ARFGEF1: variants seen among roughly 807,000 people sequenced by gnomAD.
ARFGEF1 encodes the protein brefeldin A-inhibited guanine nucleotide-exchange protein 1.
A neutral mutation model predicts 231.0 loss-of-function variants in ARFGEF1; 42 were observed. That is an observed-to-expected ratio of 0.18 (90% CI 0.14 to 0.24). The LOEUF is 0.24. Among genes scored for constraint, ARFGEF1 ranks in the 10% least tolerant of loss-of-function variants. The pLI, the probability that ARFGEF1 is intolerant of heterozygous loss-of-function variation, is 1.00. For synonymous variants in ARFGEF1, 710 were observed against 732.3 expected (o/e 0.97, Z 0.49); for missense variants, 1,345 against 2,192.0 (o/e 0.61, Z 7.72).
intron 1 of ARFGEF1, among the ~76,000 whole-genome samples, chr8:67,323,560 G>C (rs919682139): frequency 1.3e-5 from 2 of 151,984 alleles, no homozygotes; most frequent in Non-Finnish European, 2.9e-5. Flanking sequence ...TTCTCATACT[G>C]CCATTTTTGG....
downstream of ARFGEF1, chr8:67,195,415 T>C (rs1399497527): frequency 2.5e-6 from 4 of 1,614,090 alleles, no homozygotes; most frequent in Non-Finnish European, 3.4e-6. Flanking sequence ...CCTGATGACA[T>C]CATGAAACAC....
chr8:67,192,258 A>G (rs1210861671), intron 5 of ARFGEF1, among the ~76,000 whole-genome samples: 3 of 151,942 alleles, frequency 2.0e-5, no homozygotes, highest in Non-Finnish European at 4.4e-5. Flanking sequence ...TATTTTTAGT[A>G]GAGTTGGGGT....
intron 9 of ARFGEF1, among the ~76,000 whole-genome samples, chr8:67,275,698 T>C (rs530484361): frequency 8.9e-4 from 136 of 152,226 alleles, no homozygotes; most frequent in African/African-American, 3.1e-3. Context: ...CTTTAGGAAA[T>C]AGCATAAGTT....
chr8:67,235,641 C>T (rs1839704327), intron 22 of ARFGEF1, among the ~76,000 whole-genome samples: 1 of 151,842 alleles, frequency 6.6e-6, no homozygotes, highest in Non-Finnish European at 1.5e-5. Flanking sequence ...CCAGCCCGGG[C>T]AACATACTGA....
At chr8:67,203,759 C>G (rs1838415700) in intron 35 of ARFGEF1, among the ~76,000 whole-genome samples, 1 of 152,240 alleles carries the variant, frequency 6.6e-6, no homozygotes, top group African/African-American at 2.4e-5. Flanking sequence ...TTCCAAATCT[C>G]ACATGGTAGA....
Position 67,198,743 on chromosome 8 carries a change from A to G in ARFGEF1, c.*191T>C, listed in dbSNP as rs1378248224. 9.4e-6 allele frequency: 13 copies of G among 1,378,940 alleles called. No individual in the cohort carries two copies. The Admixed American group carries it at 1.4e-4, about 14-fold the overall frequency. 85.4% of individuals were successfully genotyped at this position (1,378,940 alleles called of 1,614,324 possible). ...GCTTTCTGCTCAACATGAGGCCAAT[A>G]TAACACACAAAATCCACCAGCACTA... On this transcript the variant is annotated 3_prime_UTR_variant, in exon 39 of 39. Transcript: ENST00000262215.
At chr8:67,226,922 AC>A (rs781515131) in intron 27 of ARFGEF1, among the ~76,000 whole-genome samples, 1 of 152,130 alleles carries the variant, frequency 6.6e-6, no homozygotes, top group African/African-American at 2.4e-5. Flanking sequence ...TAAAGAAATT[AC>A]GTGAAAAGTG....
chr8:67,238,075 T>C (rs984249758), intron 22 of ARFGEF1, among the ~76,000 whole-genome samples: 6 of 152,188 alleles, frequency 3.9e-5, no homozygotes, highest in African/African-American at 4.8e-5. Context: ...TCAAGTTACC[T>C]GCTTATTTTT....
At chr8:67,188,558 C>T (rs1042341026) in intron 5 of ARFGEF1, among the ~76,000 whole-genome samples, 1 of 152,218 alleles carries the variant, frequency 6.6e-6, no homozygotes, top group Non-Finnish European at 1.5e-5. Flanking sequence ...GGTCCCCTCC[C>T]ATTGTATGGG....
At chr8:67,195,249 A>AAAC, downstream of ARFGEF1, 9 of 724,952 alleles carry the variant, frequency 1.2e-5, no homozygotes, top group Non-Finnish European at 2.2e-5. Context: ...CAAAACAAAC[A>AAAC]AACAGTAGAG....
In ARFGEF1 at chr8:67,190,410, G is replaced by A. The variant is rs759393742; in HGVS notation, c.560+9986C>T. ...TGTTTGCCCGGGGCCAGCAGGTGGG[G>A]AGTGATTGCCAGTGTGCACAAAGGA... On this transcript the variant is annotated intron_variant, in intron 5 of 5. Coordinates refer to the ARFGEF1 transcript ENST00000518789. Among the ~76,000 whole-genome samples the A allele has an allele frequency of 9.9e-4, 151 of 152,154 alleles. 1 individual carries two copies. Among genetic ancestry groups the A allele is most frequent in the South Asian group, 1.0e-3 (5 of 4,820 alleles).
At chr8:67,183,483 A>G (rs182827920) in intron 5 of ARFGEF1, among the ~76,000 whole-genome samples, 43 of 152,342 alleles carry the variant, frequency 2.8e-4, no homozygotes, top group African/African-American at 5.5e-4. Context: ...CTAGAAATCA[A>G]TAACAGAAAG....
intron 17 of ARFGEF1, among the ~76,000 whole-genome samples, 169 bp from the exon 18 acceptor site, chr8:67,253,791 G>C (rs747917309): frequency 6.6e-5 from 10 of 152,076 alleles, no homozygotes; most frequent in Non-Finnish European, 1.5e-4. Flanking sequence ...AGAAAATGAA[G>C]GCAATACAGA....
At chr8:67,279,190 T>A (rs1805434479) in intron 7 of ARFGEF1, among the ~76,000 whole-genome samples, 2 of 152,144 alleles carry the variant, frequency 1.3e-5, no homozygotes, top group African/African-American at 4.8e-5. Flanking sequence ...GAAACTGAGT[T>A]CCTATCTCAT....
chr8:67,231,876 G>A (rs1411619035), intron 23 of ARFGEF1, among the ~76,000 whole-genome samples: 1 of 151,982 alleles, frequency 6.6e-6, no homozygotes, highest in African/African-American at 2.4e-5. Flanking sequence ...TGCCTCATCT[G>A]TGGCAAGCCT....
intron 34 of ARFGEF1, among the ~76,000 whole-genome samples, chr8:67,210,634 G>A (rs1838700362): frequency 1.3e-5 from 2 of 152,202 alleles, no homozygotes; most frequent in Non-Finnish European, 2.9e-5. Context: ...GAAGGGGGTG[G>A]AGAAAGAAGA....
exon 6 of ARFGEF1, chr8:67,175,554 C>A: frequency 1.7e-6 from 2 of 1,197,554 alleles, no homozygotes; most frequent in Non-Finnish European, 2.4e-6. Flanking sequence ...CAGCCCCATG[C>A]TCACAGGGTC....
intron 37 of ARFGEF1, among the ~76,000 whole-genome samples, chr8:67,200,748 T>C (rs957432332): frequency 2.0e-5 from 3 of 152,204 alleles, no homozygotes; most frequent in African/African-American, 7.2e-5. Context: ...ATTTTCCTAA[T>C]TTTCTAAGTT....
chr8:67,176,058 A>G (rs566598311), intron 5 of ARFGEF1, among the ~76,000 whole-genome samples: 32 of 150,496 alleles, frequency 2.1e-4, no homozygotes, highest in African/African-American at 7.3e-4. Flanking sequence ...TGAATATCGC[A>G]CAGAAGAAAT....
Sources: allele counts gnomAD v4.1 joint callset (sites outside exome capture counted in the v4.1 genomes callset), GRCh38; gene constraint gnomAD v4.1.1; transcripts MANE v1.5; gene names NCBI Gene and HGNC (gene_info 2026-07-23, HGNC 2026-07-21).